The following MYEF2 variants were observed in gnomAD, a reference collection of about 807,000 sequenced individuals.
MYEF2 encodes myelin gene expression factor 2.
In MYEF2, 37 loss-of-function variants were observed where a neutral mutation model predicts 75.2. The ratio of observed to expected loss-of-function variants is 0.49; its 90% CI spans 0.38 to 0.65. The LOEUF is 0.65. Ranked by LOEUF, MYEF2 falls within the 30% of genes least tolerant of loss-of-function variation. The pLI, the probability that MYEF2 is intolerant of heterozygous loss-of-function variation, is 0.00. For missense variants in MYEF2, 634 were observed against 771.4 expected, an observed-to-expected ratio of 0.82 and a Z score of 2.11; for synonymous variants, 195 against 241.6, an observed-to-expected ratio of 0.81 and a Z score of 1.79.
chr15:48,151,766 T>A (rs753737926), intron 12 of MYEF2, 108 bp downstream of exon 12: 43 of 1,328,490 alleles, frequency 3.2e-5, no homozygotes, highest in Non-Finnish European at 4.5e-5. Context: ...AGTGCCTATA[T>A]GCCTTCTGAA....
In MYEF2 at chr15:48,136,756, C is replaced by G. The variant is rs1567226618; in HGVS notation, c.*6152G>C. 1.9e-6 allele frequency: 3 copies of G among 1,613,138 alleles called. No individual in the cohort carries two copies. Among genetic ancestry groups the G allele is most frequent in the Non-Finnish European group, 2.5e-6 (3 of 1,179,640 alleles). The stretch of plus-strand genomic sequence containing the variant: ...GCTGTGTTTTGACATTAAAATTAAC[C>G]AATATATTATAAAGAAATGCAGTCC... On this transcript the variant is annotated 3_prime_UTR_variant, in exon 17 of 17. Transcript: ENST00000324324.
At chr15:48,172,191 G>A (rs760565303) in intron 1 of MYEF2, among the ~76,000 whole-genome samples, 1 of 152,120 alleles carries the variant, frequency 6.6e-6, no homozygotes, top group Admixed American at 6.5e-5. Context: ...CTTGAGGTCA[G>A]GAGTTCGAGA....
rs954089509 is a variant in MYEF2 at position 48,137,809 on chromosome 15, G to T, written c.*5099C>A. The T allele has an allele frequency of 6.6e-6, 1 of 152,152 alleles. No individual in the cohort carries two copies. Among genetic ancestry groups the T allele is most frequent in the African/African-American group, 2.4e-5 (1 of 41,450 alleles). The allele number at this position is 152,152 out of a possible 1,614,324, so 9.4% of individuals were successfully genotyped here. ...TGGTTTGGAAGAAAGAAGAAAAACA[G>T]CTGAGGTTTACCATTGTTTAAAGCA... On this transcript the variant is annotated 3_prime_UTR_variant, in exon 17 of 17. Coordinates refer to ENST00000324324, the MANE Select transcript of MYEF2 (RefSeq NM_016132.5).
rs1214350518 is a variant in MYEF2 at position 48,141,248 on chromosome 15, T to G, written c.*1660A>C. The G allele has an allele frequency of 2.7e-6, 4 of 1,492,218 alleles. No homozygotes were observed. The South Asian group carries it at 4.5e-5, about 17-fold the overall frequency. The allele number at this position is 1,492,218 out of a possible 1,614,324, so 92.4% of individuals were successfully genotyped here. On this transcript the variant is annotated 3_prime_UTR_variant, in exon 17 of 17. Coordinates refer to ENST00000324324, the MANE Select transcript of MYEF2 (RefSeq NM_016132.5). ...TAGGTCCCTCAAGCTGCAATGGTCA[T>G]TCTACAAGGCTAGAATGAGTAAAAG... is the stretch of plus-strand genomic sequence containing the variant.
At chr15:48,159,509 T>A in intron 6 of MYEF2, 104 bp downstream of exon 6, 1 of 982,632 alleles carries the variant, frequency 1.0e-6, no homozygotes. Context: ...TTCACTTACT[T>A]TAGTTAAAAA....
chr15:48,171,993 T>C (rs1010675741), intron 1 of MYEF2, among the ~76,000 whole-genome samples: 6 of 152,188 alleles, frequency 3.9e-5, no homozygotes, highest in African/African-American at 1.4e-4. Flanking sequence ...AAACATAGTT[T>C]TAATGTGTGA....
At chr15:48,166,653 T>C (rs144883043) in intron 3 of MYEF2, among the ~76,000 whole-genome samples, 2 of 152,152 alleles carry the variant, frequency 1.3e-5, no homozygotes, top group African/African-American at 4.8e-5. Flanking sequence ...AAACTAATAA[T>C]AAATTAATTT....
intron 13 of MYEF2, 76 bp downstream of exon 13, chr15:48,151,397 T>C: frequency 7.4e-7 from 1 of 1,359,470 alleles, no homozygotes. Context: ...TTCTGATTTT[T>C]CACAAAAAAA....
At chr15:48,163,356 A>G (rs1164245652) in intron 5 of MYEF2, among the ~76,000 whole-genome samples, 2 of 152,230 alleles carry the variant, frequency 1.3e-5, no homozygotes, top group Non-Finnish European at 2.9e-5. Flanking sequence ...AGCCTAATCC[A>G]GAGTAAGGCC....
Position 48,136,847 on chromosome 15 carries a change from A to T in MYEF2, c.*6061T>A. 6.2e-7 allele frequency: 1 copy of T among 1,613,890 alleles called. No homozygotes were observed. Among genetic ancestry groups the T allele is most frequent in the Non-Finnish European group, 8.5e-7 (1 of 1,179,838 alleles). On this transcript the variant is annotated 3_prime_UTR_variant, in exon 17 of 17. Coordinates refer to ENST00000324324, the MANE Select transcript of MYEF2 (RefSeq NM_016132.5). Reference sequence around the variant, plus strand: ...CAACAGCCACTGATGGGCTGGGAAGATGAAGGTCAACCATTCATTCGTCGG... The same window carrying T: ...CAACAGCCACTGATGGGCTGGGAAGTTGAAGGTCAACCATTCATTCGTCGG...
At chr15:48,144,103 T>G (rs902840546) in intron 16 of MYEF2, among the ~76,000 whole-genome samples, 3 of 151,948 alleles carry the variant, frequency 2.0e-5, no homozygotes, top group Non-Finnish European at 1.5e-5. Context: ...AGTTGCCAGA[T>G]CACTATGGGC....
intron 2 of MYEF2, 152 bp downstream of exon 2, chr15:48,168,479 G>A (rs1038039680): frequency 1.6e-6 from 1 of 635,812 alleles, no homozygotes; most frequent in Non-Finnish European, 2.7e-6. Context: ...ATTGTGTCAA[G>A]AGAAAGAAGA....
Position 48,165,925 on chromosome 15 carries a change from A to T in MYEF2, c.525+8T>A. On this transcript the variant is annotated splice_region_variant and intron_variant, in intron 5 of 16. Coordinates refer to ENST00000324324, the MANE Select transcript of MYEF2 (RefSeq NM_016132.5). The stretch of plus-strand genomic sequence containing the variant: ...AAATGTTTAAATTCTAAATATGAGA[A>T]ATCTTACCTCTTTAATATTAAGGGG... The T allele has an allele frequency of 1.3e-6, 2 of 1,482,450 alleles. No homozygotes were observed. Among genetic ancestry groups the T allele is most frequent in the Non-Finnish European group, 1.8e-6 (2 of 1,088,694 alleles). 91.8% of individuals were successfully genotyped at this position (1,482,450 alleles called of 1,614,324 possible). A position where few individuals can be genotyped will look rare whatever the true frequency, so the allele number is the denominator to read the frequency against.
chr15:48,153,187 A>T (rs564730807), intron 10 of MYEF2: 51 of 152,234 alleles, frequency 3.4e-4, no homozygotes, highest in African/African-American at 1.2e-3. Context: ...TTATTTTCTT[A>T]AAACTTTTAT....
Position 48,135,193 on chromosome 15 carries a change from CT to C in MYEF2, c.*7714del. 1 of 404,008 alleles carries C rather than the reference CT, an allele frequency of 2.5e-6. No homozygotes were observed. The highest frequency in any genetic ancestry group is 4.5e-6 in the Non-Finnish European group (1 of 221,470). The allele number at this position is 404,008 out of a possible 1,614,324, so 25.0% of individuals were successfully genotyped here. Reference sequence around the variant, plus strand: ...TTCTTCTTAATCACTTCACAGTCTCCTTTTTTCTCTCACTAGTCACTGGAGA... The same window carrying C: ...TTCTTCTTAATCACTTCACAGTCTCCTTTTTCTCTCACTAGTCACTGGAGA... On this transcript the variant is annotated 3_prime_UTR_variant, in exon 17 of 17. Coordinates refer to ENST00000324324, the MANE Select transcript of MYEF2 (RefSeq NM_016132.5).
At position 48,139,691 on chromosome 15, in the gene MYEF2, C is replaced by G. The variant is rs2039002659; in HGVS notation, c.*3217G>C. 1 of 152,314 alleles carries G rather than the reference C, an allele frequency of 6.6e-6. No homozygotes were observed. The highest frequency in any genetic ancestry group is 2.4e-5 in the African/African-American group (1 of 41,414). 9.4% of individuals were successfully genotyped at this position (152,314 alleles called of 1,614,324 possible). A position where few individuals can be genotyped will look rare whatever the true frequency, so the allele number is the denominator to read the frequency against. ...GGCATAATAATTTTATTCTAGGTTT[C>G]TACTACCTTCATGATTAAGACTTAA... On this transcript the variant is annotated 3_prime_UTR_variant, in exon 17 of 17. Coordinates refer to ENST00000324324, the MANE Select transcript of MYEF2 (RefSeq NM_016132.5).
At chr15:48,162,294 T>C (rs1297334813) in intron 5 of MYEF2, among the ~76,000 whole-genome samples, 1 of 152,174 alleles carries the variant, frequency 6.6e-6, no homozygotes, top group Non-Finnish European at 1.5e-5. Flanking sequence ...GCACTGTGCT[T>C]AGTGCTTTGT....
Position 48,158,000 on chromosome 15 carries a change from T to A in MYEF2, c.978A>T (p.Gln326His). 1 of 1,613,006 alleles carries A rather than the reference T, an allele frequency of 6.2e-7. No individual in the cohort carries two copies. The highest frequency in any genetic ancestry group is 8.5e-7 in the Non-Finnish European group (1 of 1,179,314). Residue 326 changes from glutamine to histidine, a missense_variant, in exon 9 of 17, where the codon CAA becomes CAT. Physicochemically the swap from Gln to His is conservative, Grantham distance 24. Transcript: ENST00000324324. ...EYRSHDGKTPQLPRGLGGIGM... is the reference protein window; with the variant it reads ...EYRSHDGKTPHLPRGLGGIGM... ...ATAATAGCTTTTACTTACGTGGTAA[T>A]TGTGGTGTTTTACCATCATGTGAAC...
Position 48,141,011 on chromosome 15 carries a change from T to C in MYEF2, c.*1897A>G. The C allele has an allele frequency of 1.1e-6, 1 of 873,628 alleles. No individual in the cohort carries two copies. The highest frequency in any genetic ancestry group is 1.8e-6 in the Non-Finnish European group (1 of 549,990). The allele number at this position is 873,628 out of a possible 1,614,324, so 54.1% of individuals were successfully genotyped here. On this transcript the variant is annotated 3_prime_UTR_variant, in exon 17 of 17. Transcript: ENST00000324324. ...ACATATTGGCTCTGAATTCTAAATG[T>C]GCCTATTTTATTTTTGTTCACGAAG...
Sources: allele counts gnomAD v4.1 joint callset (sites outside exome capture counted in the v4.1 genomes callset), GRCh38; gene constraint gnomAD v4.1.1; transcripts MANE v1.5; gene names NCBI Gene and HGNC (gene_info 2026-07-23, HGNC 2026-07-21).